Variants in KIRREL3 observed in about 807,000 individuals in gnomAD.
The protein encoded by KIRREL3 is kirre like nephrin family adhesion molecule 3, also known as kin of IRRE-like protein 3.
In KIRREL3, 36 loss-of-function variants were observed where a neutral mutation model predicts 89.7. The ratio of observed to expected loss-of-function variants is 0.40; its 90% CI spans 0.31 to 0.53. The LOEUF is 0.53. KIRREL3 is among the 20% of genes least tolerant of loss of function. The pLI, the probability that KIRREL3 is intolerant of heterozygous loss-of-function variation, is 0.49. For synonymous variants in KIRREL3, 445 were observed against 441.4 expected (o/e 1.01, Z -0.10); for missense variants, 864 against 1,056.6 (o/e 0.82, Z 2.53).
intron 1 of KIRREL3, among the ~76,000 whole-genome samples, chr11:126,675,013 C>G (rs960691586): frequency 6.6e-6 from 1 of 152,204 alleles, no homozygotes; most frequent in Non-Finnish European, 1.5e-5. Context: ...GCTCTTGGCT[C>G]TACTGGGCCA....
intron 1 of KIRREL3, among the ~76,000 whole-genome samples, chr11:126,720,023 T>C (rs1456161748): frequency 6.6e-6 from 1 of 152,242 alleles, no homozygotes; most frequent in Non-Finnish European, 1.5e-5. Flanking sequence ...CTGCTTCAGC[T>C]GAACTAACCT....
chr11:126,743,007 C>G (rs771764203), intron 1 of KIRREL3, among the ~76,000 whole-genome samples: 1 of 152,176 alleles, frequency 6.6e-6, no homozygotes, highest in South Asian at 2.1e-4. Context: ...GAGATGAGGC[C>G]ATCAGTGAGG....
Position 126,669,197 on chromosome 11 carries a change from C to G in KIRREL3, c.56-106285G>C, listed in dbSNP as rs749711381. 6.6e-6 allele frequency among the ~76,000 whole-genome samples: 1 copy of G among 151,972 alleles called. No individual in the cohort carries two copies. Among genetic ancestry groups the G allele is most frequent in the Non-Finnish European group, 1.5e-5 (1 of 68,012 alleles). ...ATCTTGTTTGTTATGGCAAGAATTCCCTTTAGTGACTAGTGTTGGGAGTTG... is the reference window on the plus strand; with the variant it reads ...ATCTTGTTTGTTATGGCAAGAATTCGCTTTAGTGACTAGTGTTGGGAGTTG... On this transcript the variant is annotated intron_variant, in intron 1 of 16. Coordinates refer to ENST00000525144, the MANE Select transcript of KIRREL3 (RefSeq NM_032531.4). This position sits in a 1 kb window ranked among gnomAD's most constrained non-coding sequence, Gnocchi z 5.0.
chr11:126,726,782 C>G (rs555092467), intron 1 of KIRREL3, among the ~76,000 whole-genome samples: 1 of 152,220 alleles, frequency 6.6e-6, no homozygotes, highest in South Asian at 2.1e-4. Context: ...CCTACACATG[C>G]CAATGTGTTG....
intron 5 of KIRREL3, among the ~76,000 whole-genome samples, chr11:126,472,703 G>GGAGAGAGAGAGAGAGAGAGA (rs56276959): frequency 0.016 from 2,173 of 133,982 alleles, 58 homozygotes; most frequent in African/African-American, 0.035. Context: ...AGGACATAGA[G>GGAGAGAGAGAGAGAGAGAGA]GAGAGAGAGA....
Position 126,446,833 on chromosome 11 carries a change from C to T in KIRREL3, c.1051G>A (p.Asp351Asn). Residue 351 changes from aspartate to asparagine, a missense_variant, in exon 9 of 17, where the codon GAT becomes AAT. By Grantham distance (23) the Asp-to-Asn change is conservative. Coordinates refer to ENST00000525144, the MANE Select transcript of KIRREL3 (RefSeq NM_032531.4). Reference sequence around the variant, plus strand: ...GTCCAGGCGCAGCTGAAGATGGCATCAGAGCCCAGATCCACGAGCAAGGAT... The same window carrying T: ...GTCCAGGCGCAGCTGAAGATGGCATTAGAGCCCAGATCCACGAGCAAGGAT... ...PQSLLVDLGS[D>N]AIFSCAWTGN... is the part of the protein sequence containing the mutation. 1.2e-6 allele frequency: 2 copies of T among 1,602,668 alleles called. No homozygotes were observed. The highest frequency in any genetic ancestry group is 1.7e-6 in the Non-Finnish European group (2 of 1,174,822).
At position 126,763,434 on chromosome 11, in the gene KIRREL3, G is replaced by C. The variant is rs770023897; in HGVS notation, c.56-200522C>G. On this transcript the variant is annotated intron_variant, in intron 1 of 16. Transcript: ENST00000525144. The surrounding 1 kb of genome is among the most constrained non-coding windows in gnomAD (Gnocchi z 4.7). Reference sequence around the variant, plus strand: ...TGCAGGGGGAGAAGAGCAGGGAGAGGGCATGAGGATGCAGTGGGTGGGAGG... The same window carrying C: ...TGCAGGGGGAGAAGAGCAGGGAGAGCGCATGAGGATGCAGTGGGTGGGAGG... Among the ~76,000 whole-genome samples, 19 of 152,270 alleles carry C rather than the reference G, an allele frequency of 1.2e-4. No homozygotes were observed. Among genetic ancestry groups the C allele is most frequent in the Non-Finnish European group, 2.2e-4 (15 of 68,032 alleles).
intron 2 of KIRREL3, among the ~76,000 whole-genome samples, chr11:126,560,248 T>G (rs1012193180): frequency 6.6e-6 from 1 of 152,114 alleles, no homozygotes; most frequent in African/African-American, 2.4e-5. Flanking sequence ...GATGGCTCAA[T>G]TGTGTTGGGT....
chr11:126,455,797 AAAAC>A lies in KIRREL3; in HGVS notation c.848+548_848+551del, dbSNP rs1221098114. 2.0e-5 allele frequency among the ~76,000 whole-genome samples: 3 copies of A among 152,070 alleles called. No individual in the cohort carries two copies. Among genetic ancestry groups the A allele is most frequent in the African/African-American group, 7.2e-5 (3 of 41,410 alleles). ...GGGTGACAGAGCGAGACTCTGTCTC[AAAAC>A]AAACAAAGAAACAAACAAACAAACA... On this transcript the variant is annotated intron_variant, in intron 7 of 16. Coordinates refer to ENST00000525144, the MANE Select transcript of KIRREL3 (RefSeq NM_032531.4). The surrounding 1 kb of genome is among the most constrained non-coding windows in gnomAD (Gnocchi z 6.4).
chr11:126,751,277 T>C (rs150297965), intron 1 of KIRREL3, among the ~76,000 whole-genome samples: 123 of 152,356 alleles, frequency 8.1e-4, no homozygotes, highest in Non-Finnish European at 1.2e-3. Context: ...GGATGCACCA[T>C]CTCCTTGTCT....
chr11:126,997,729 C>G lies in KIRREL3; in HGVS notation c.55+2726G>C, dbSNP rs60469808. 0.017 allele frequency among the ~76,000 whole-genome samples: 2,613 copies of G among 152,284 alleles called. 77 individuals are homozygous for G. The highest frequency in any genetic ancestry group is 0.06 in the African/African-American group (2,500 of 41,544). On this transcript the variant is annotated intron_variant, in intron 1 of 16. Coordinates refer to ENST00000525144, the MANE Select transcript of KIRREL3 (RefSeq NM_032531.4). This position sits in a 1 kb window ranked among gnomAD's most constrained non-coding sequence, Gnocchi z 4.3. ...TTGAGAGCACTGCTTGGAGCACTCT[C>G]TCTGCACGGGGACCAAGATACTGGG...
chr11:126,506,229 C>T (rs1958008777), intron 4 of KIRREL3, among the ~76,000 whole-genome samples: 1 of 133,660 alleles, frequency 7.5e-6, no homozygotes, highest in African/African-American at 3.1e-5. Context: ...ATCAAAAACA[C>T]AATCTATAAG....
rs1456513779 is a variant in KIRREL3 at position 126,475,666 on chromosome 11, G to A, written c.434-2200C>T. ...GGAAGCAGGCATGAATGGGATGGAT[G>A]GAGAAGACGACCCCCCAGCCGCCCA... On this transcript the variant is annotated intron_variant, in intron 4 of 16. Coordinates refer to ENST00000525144, the MANE Select transcript of KIRREL3 (RefSeq NM_032531.4). This position sits in a 1 kb window ranked among gnomAD's most constrained non-coding sequence, Gnocchi z 7.5. Among the ~76,000 whole-genome samples, 1 of 152,172 alleles carries A rather than the reference G, an allele frequency of 6.6e-6. No individual in the cohort carries two copies. Among genetic ancestry groups the A allele is most frequent in the African/African-American group, 2.4e-5 (1 of 41,436 alleles).
In KIRREL3 at chr11:126,867,385, A is replaced by T. The variant is rs1275379039; in HGVS notation, c.55+133070T>A. 6.6e-6 allele frequency among the ~76,000 whole-genome samples: 1 copy of T among 152,092 alleles called. No homozygotes were observed. The highest frequency in any genetic ancestry group is 1.9e-4 in the East Asian group (1 of 5,180). ...GCCTGCCTTAGCCATCAGGCTTCCC[A>T]TTCGGCTGTTCTCCAGCTTGGAATG... On this transcript the variant is annotated intron_variant, in intron 1 of 16. Coordinates refer to ENST00000525144, the MANE Select transcript of KIRREL3 (RefSeq NM_032531.4). The surrounding 1 kb of genome is among the most constrained non-coding windows in gnomAD (Gnocchi z 4.7).
intron 2 of KIRREL3, among the ~76,000 whole-genome samples, chr11:126,532,867 T>G (rs1591690910): frequency 6.6e-6 from 1 of 151,890 alleles, no homozygotes; most frequent in African/African-American, 2.4e-5. Context: ...TTACTTATAA[T>G]TATTACTTAA....
chr11:126,923,210 CT>C (rs1316655543), intron 1 of KIRREL3, among the ~76,000 whole-genome samples: 1,009 of 16,156 alleles, frequency 0.062, 228 homozygotes, highest in African/African-American at 0.11. Flanking sequence ...TCTTCTTCTT[CT>C]TCTTCTTCTT....
chr11:126,943,563 T>A lies in KIRREL3; in HGVS notation c.55+56892A>T, dbSNP rs574188777. Among the ~76,000 whole-genome samples the A allele has an allele frequency of 1.3e-5, 2 of 152,190 alleles. No individual in the cohort carries two copies. Among genetic ancestry groups the A allele is most frequent in the African/African-American group, 4.8e-5 (2 of 41,446 alleles). On this transcript the variant is annotated intron_variant, in intron 1 of 16. Transcript: ENST00000525144. The surrounding 1 kb of genome is among the most constrained non-coding windows in gnomAD (Gnocchi z 4.2). ...CCAGGACAAGATTAAATCAGCAGACTGAACGATAAATGAACAGTAATGCAT... is the reference window on the plus strand; with the variant it reads ...CCAGGACAAGATTAAATCAGCAGACAGAACGATAAATGAACAGTAATGCAT...
chr11:126,831,799 G>C (rs1943618814), intron 1 of KIRREL3, among the ~76,000 whole-genome samples: 2 of 152,116 alleles, frequency 1.3e-5, no homozygotes, highest in South Asian at 4.1e-4. Flanking sequence ...TGTAAATTTA[G>C]AGAAACAATT....
intron 1 of KIRREL3, among the ~76,000 whole-genome samples, chr11:126,582,183 C>T (rs1322308953): frequency 6.6e-6 from 1 of 152,134 alleles, no homozygotes; most frequent in Non-Finnish European, 1.5e-5. Flanking sequence ...GGGCTTTTGT[C>T]TTCTCATCTC....
Sources: allele counts gnomAD v4.1 joint callset (sites outside exome capture counted in the v4.1 genomes callset), GRCh38; gene constraint gnomAD v4.1.1; non-coding constraint Gnocchi (gnomAD v3.1); transcripts MANE v1.5; gene names NCBI Gene and HGNC (gene_info 2026-07-23, HGNC 2026-07-21).